The following AAK1 variants were observed in gnomAD, a reference collection of about 807,000 sequenced individuals.
AAK1 encodes AP2-associated protein kinase 1.
A neutral mutation model predicts 116.0 loss-of-function variants in AAK1; 37 were observed. The observed-to-expected ratio is 0.32, with a 90% CI of 0.25 to 0.42. AAK1 has a LOEUF of 0.42. Ranked by LOEUF, AAK1 falls within the 10% of genes least tolerant of loss-of-function variation. AAK1 has a pLI of 1.00. For missense variants in AAK1, 919 were observed against 1,170.6 expected, an observed-to-expected ratio of 0.79 and a Z score of 3.14; for synonymous variants, 458 against 439.9, an observed-to-expected ratio of 1.04 and a Z score of -0.51.
In AAK1 at chr2:69,468,533, A is replaced by G; in HGVS notation, c.*7336T>C. The G allele has an allele frequency of 1.0e-6, 1 of 985,412 alleles. No individual in the cohort carries two copies. Among genetic ancestry groups the G allele is most frequent in the Non-Finnish European group, 1.2e-6 (1 of 829,924 alleles). 61.0% of individuals were successfully genotyped at this position (985,412 alleles called of 1,614,324 possible). A position where few individuals can be genotyped will look rare whatever the true frequency, so the allele number is the denominator to read the frequency against. On this transcript the variant is annotated 3_prime_UTR_variant, in exon 22 of 22. Coordinates refer to ENST00000409085, the MANE Select transcript of AAK1 (RefSeq NM_014911.5). ...TAAGCTTGTTCTGCAGGAGAGCAAAATATCTCTTAGGGAAAAAAAATGGAA... is the reference window on the plus strand; with the variant it reads ...TAAGCTTGTTCTGCAGGAGAGCAAAGTATCTCTTAGGGAAAAAAAATGGAA...
intron 17 of AAK1, among the ~76,000 whole-genome samples, chr2:69,493,629 T>C (rs930354525): frequency 6.6e-6 from 1 of 152,142 alleles, no homozygotes; most frequent in Non-Finnish European, 1.5e-5. Context: ...ATACAGGTGA[T>C]GAATAAGACA....
chr2:69,523,343 AC>A (rs1486821012), intron 10 of AAK1, among the ~76,000 whole-genome samples: 1 of 152,246 alleles, frequency 6.6e-6, no homozygotes, highest in Admixed American at 6.5e-5. Context: ...CTACAAAGTA[AC>A]AAGTTTTGTT....
At chr2:69,498,206 C>A (rs140873308) in intron 16 of AAK1, among the ~76,000 whole-genome samples, 5 of 152,340 alleles carry the variant, frequency 3.3e-5, no homozygotes, top group Admixed American at 6.5e-5. Context: ...AAATGTGGGA[C>A]ATTTCTTTTC....
chr2:69,564,041 A>C (rs571430081), intron 2 of AAK1, among the ~76,000 whole-genome samples: 2 of 152,092 alleles, frequency 1.3e-5, no homozygotes, highest in East Asian at 3.9e-4. Context: ...AAAATACAAA[A>C]ATTAGCTGGG....
At position 69,538,192 on chromosome 2, in the gene AAK1, C is replaced by T. The variant is rs544347531; in HGVS notation, c.534+4331G>A. 4.6e-5 allele frequency among the ~76,000 whole-genome samples: 7 copies of T among 152,378 alleles called. No individual in the cohort carries two copies. The South Asian group carries it at 6.2e-4, about 14-fold the overall frequency. On this transcript the variant is annotated intron_variant, in intron 5 of 21. Transcript: ENST00000409085. ...GCCAACTACTGTGTGTCCAGCATTG[C>T]GCTGCCTCCGTCTTAGGAGCACTGA...
At chr2:69,500,698 T>TAC (rs563907265) in intron 16 of AAK1, among the ~76,000 whole-genome samples, 3,046 of 64,866 alleles carry the variant, frequency 0.047, 125 homozygotes, top group Non-Finnish European at 0.048. Context: ...TATATATATA[T>TAC]ACACACACAC....
intron 5 of AAK1, among the ~76,000 whole-genome samples, chr2:69,539,122 A>G (rs1231331359): frequency 6.6e-6 from 1 of 152,162 alleles, no homozygotes; most frequent in African/African-American, 2.4e-5. Context: ...GATGAAACTC[A>G]GGCTCGGAGA....
chr2:69,578,444 C>A (rs758530018), intron 2 of AAK1, among the ~76,000 whole-genome samples: 1 of 152,156 alleles, frequency 6.6e-6, no homozygotes. Flanking sequence ...CCACCTCCTC[C>A]CCAACTCCCA....
intron 15 of AAK1, among the ~76,000 whole-genome samples, chr2:69,506,042 G>C (rs910726004): frequency 6.6e-6 from 1 of 152,138 alleles, no homozygotes; most frequent in East Asian, 1.9e-4. Context: ...TTGATGATCT[G>C]CTTTCCATGT....
intron 11 of AAK1, 34 bp downstream of exon 11, chr2:69,520,800 G>A (rs951187816): frequency 6.6e-7 from 1 of 1,523,506 alleles, no homozygotes; most frequent in African/African-American, 1.4e-5. Context: ...TAACAAAGAG[G>A]TGTATTGAGT....
chr2:69,479,566 G>A (rs1470942503), intron 19 of AAK1, among the ~76,000 whole-genome samples: 1 of 152,146 alleles, frequency 6.6e-6, no homozygotes, highest in Non-Finnish European at 1.5e-5. Flanking sequence ...AGTTACTATA[G>A]GACAAAGTAT....
intron 2 of AAK1, 21 bp downstream of exon 2, chr2:69,642,857 G>A (rs1275605344): frequency 6.2e-7 from 1 of 1,613,366 alleles, no homozygotes; most frequent in Admixed American, 1.7e-5. Context: ...TTAATTTACG[G>A]CGCATTGAGC....
intron 5 of AAK1, among the ~76,000 whole-genome samples, chr2:69,537,602 A>G (rs1269239128): frequency 6.6e-6 from 1 of 152,214 alleles, no homozygotes; most frequent in Non-Finnish European, 1.5e-5. Flanking sequence ...AGGAAAATAG[A>G]GAACTCTTTG....
chr2:69,553,437 GTTTTTTTTTTTT>G (rs70954350), intron 3 of AAK1, among the ~76,000 whole-genome samples: 7 of 79,598 alleles, frequency 8.8e-5, no homozygotes, highest in South Asian at 5.4e-4. Context: ...ATTGAAAGTT[GTTTTTTTTTTTT>G]TTTTTTTTTT....
intron 5 of AAK1, among the ~76,000 whole-genome samples, chr2:69,532,464 A>G (rs991739566): frequency 7.9e-5 from 12 of 152,108 alleles, no homozygotes; most frequent in African/African-American, 2.7e-4. Flanking sequence ...CCATCCTCAT[A>G]CTTTCAAGCC....
chr2:69,465,608 T>A lies in AAK1; in HGVS notation c.*10261A>T, dbSNP rs191294987. ...GGGCTTCTGGACTTGGCTCGTCTTCTGGGCTATAGTGACGGGAATACTTGG... is the reference window on the plus strand; with the variant it reads ...GGGCTTCTGGACTTGGCTCGTCTTCAGGGCTATAGTGACGGGAATACTTGG... On this transcript the variant is annotated 3_prime_UTR_variant, in exon 22 of 22. Transcript: ENST00000409085. 104 of 1,290,986 alleles carry A rather than the reference T, an allele frequency of 8.1e-5. 1 individual carries two copies. The East Asian group carries it at 5.4e-3, about 68-fold the overall frequency. The allele number at this position is 1,290,986 out of a possible 1,614,324, so 80.0% of individuals were successfully genotyped here.
intron 18 of AAK1, 45 bp from the exon 19 acceptor site, chr2:69,481,006 G>C (rs1675068526): frequency 7.0e-7 from 1 of 1,436,932 alleles, no homozygotes; most frequent in Non-Finnish European, 9.4e-7. Flanking sequence ...AAGGGAAAGG[G>C]AGTCAGAAGT....
intron 2 of AAK1, among the ~76,000 whole-genome samples, chr2:69,601,900 C>T (rs1673597013): frequency 6.6e-6 from 1 of 152,112 alleles, no homozygotes; most frequent in Non-Finnish European, 1.5e-5. Flanking sequence ...AAAATAGTAA[C>T]TTAACAGTGG....
At position 69,475,127 on chromosome 2, in the gene AAK1, A is replaced by T. The variant is rs766603829; in HGVS notation, c.*742T>A. ...TATAACGTACACATTGTATCCAAGG[A>T]TCTCAAATACTTGCAGTCACGTCTC... On this transcript the variant is annotated 3_prime_UTR_variant, in exon 22 of 22. Transcript: ENST00000409085. 2.0e-6 allele frequency: 2 copies of T among 985,746 alleles called. No homozygotes were observed. The highest frequency in any genetic ancestry group is 2.4e-6 in the Non-Finnish European group (2 of 829,944). 61.1% of individuals were successfully genotyped at this position (985,746 alleles called of 1,614,324 possible). A position where few individuals can be genotyped will look rare whatever the true frequency, so the allele number is the denominator to read the frequency against.
Sources: gnomAD v4.1 joint callset for allele counts (sites outside exome capture counted in the v4.1 genomes callset) on GRCh38, gnomAD v4.1.1 for gene constraint, MANE v1.5 for transcripts, NCBI Gene and HGNC (gene_info 2026-07-23, HGNC 2026-07-21) for gene names.